EHMT1: variants seen among roughly 807,000 people sequenced by gnomAD.
EHMT1 encodes the protein euchromatic histone lysine methyltransferase 1.
A neutral mutation model predicts 147.2 loss-of-function variants in EHMT1; 15 were observed. The ratio of observed to expected loss-of-function variants is 0.10; its 90% CI spans 0.07 to 0.16. The LOEUF (loss-of-function observed/expected upper bound fraction) is 0.16, where lower values mean the gene tolerates loss of function less well. EHMT1 is among the 10% of genes least tolerant of loss of function. The probability of loss-of-function intolerance (pLI) is 1.00; values close to 1 mark genes in which losing one functional copy is unlikely to be tolerated. For missense variants in EHMT1, 1,587 were observed against 1,772.4 expected, an observed-to-expected ratio of 0.90 and a Z score of 1.88; for synonymous variants, 795 against 709.6, an observed-to-expected ratio of 1.12 and a Z score of -1.91.
chr9:137,733,295 T>C (rs746263681), intron 4 of EHMT1, among the ~76,000 whole-genome samples: 13 of 152,248 alleles, frequency 8.5e-5, no homozygotes, highest in Non-Finnish European at 1.8e-4. Context: ...GCATCTTTGT[T>C]AGCAGCTTGT....
chr9:137,822,316 C>G (rs1302153748), intron 25 of EHMT1, among the ~76,000 whole-genome samples: 2 of 152,226 alleles, frequency 1.3e-5, no homozygotes, highest in African/African-American at 4.8e-5. Context: ...GTTCTGCCAT[C>G]ACGAGGAAAC....
At chr9:137,802,800 CTG>C (rs1953612115) in intron 18 of EHMT1, 1 of 1,231,542 alleles carries the variant, frequency 8.1e-7, no homozygotes, top group Non-Finnish European at 1.0e-6. Flanking sequence ...GCTTCCATGA[CTG>C]TATCCAGGGG....
At chr9:137,683,811 A>G (rs1942187264) in intron 1 of EHMT1, among the ~76,000 whole-genome samples, 1 of 152,146 alleles carries the variant, frequency 6.6e-6, no homozygotes, top group Non-Finnish European at 1.5e-5. Context: ...TTATACAATG[A>G]CACGAGTTTA....
chr9:137,720,719 C>T (rs1945863008), intron 3 of EHMT1, among the ~76,000 whole-genome samples: 1 of 152,220 alleles, frequency 6.6e-6, no homozygotes, highest in Non-Finnish European at 1.5e-5. Flanking sequence ...CCGTCCCGTT[C>T]TCTGCTGAGG....
Position 137,817,484 on chromosome 9 carries a change from G to A in EHMT1, c.3420G>A (p.Val1140=). The A allele has an allele frequency of 3.7e-6, 6 of 1,614,180 alleles. No individual in the cohort carries two copies. Among genetic ancestry groups the A allele is most frequent in the South Asian group, 1.1e-5 (1 of 91,082 alleles). Residue 1140 remains valine (V), a synonymous_variant, in exon 24 of 27, where the codon GTG becomes GTA. Coordinates refer to ENST00000460843, the MANE Select transcript of EHMT1 (RefSeq NM_024757.5). Reference sequence around the variant, plus strand: ...GGACGCGGGACATGGGCTGGGGCGTGCGGTCCCTGCAGGACATCCCACCAG... The same window carrying A: ...GGACGCGGGACATGGGCTGGGGCGTACGGTCCCTGCAGGACATCCCACCAG... ...LYRTRDMGWG[V]RSLQDIPPGT... is the part of the protein sequence containing the mutation.
At chr9:137,822,542 G>A (rs1185775520) in intron 25 of EHMT1, among the ~76,000 whole-genome samples, 1 of 152,136 alleles carries the variant, frequency 6.6e-6, no homozygotes, top group African/African-American at 2.4e-5. Flanking sequence ...TTGATGAAGA[G>A]CCTCTTTTCA....
At chr9:137,629,857 T>C (rs1383573771) in intron 1 of EHMT1, among the ~76,000 whole-genome samples, 1 of 152,168 alleles carries the variant, frequency 6.6e-6, no homozygotes, top group African/African-American at 2.4e-5. Context: ...CCCAGTTAAT[T>C]TGGCCTATGG....
chr9:137,640,055 C>T (rs1844373976), intron 1 of EHMT1, among the ~76,000 whole-genome samples: 1 of 152,110 alleles, frequency 6.6e-6, no homozygotes, highest in South Asian at 2.1e-4. Flanking sequence ...CTGCCTCTGC[C>T]TCCCGAGTAG....
intron 1 of EHMT1, among the ~76,000 whole-genome samples, chr9:137,709,287 G>C (rs1944495043): frequency 1.3e-5 from 2 of 152,190 alleles, no homozygotes; most frequent in Admixed American, 6.5e-5. Flanking sequence ...CAGCTGTGAT[G>C]GACCAGGAAA....
At chr9:137,825,401 G>GAATC (rs1159911609) in intron 25 of EHMT1, among the ~76,000 whole-genome samples, 7 of 152,190 alleles carry the variant, frequency 4.6e-5, no homozygotes, top group Non-Finnish European at 5.9e-5. Context: ...CATGTAAGTG[G>GAATC]AATCACATGC....
intron 23 of EHMT1, 62 bp downstream of exon 23, chr9:137,816,124 A>G: frequency 6.9e-7 from 1 of 1,452,556 alleles, no homozygotes; most frequent in Non-Finnish European, 9.5e-7. Flanking sequence ...ATTAGCACGG[A>G]GGTCACCCCG....
At chr9:137,704,114 G>A (rs949564289) in intron 1 of EHMT1, among the ~76,000 whole-genome samples, 1 of 152,130 alleles carries the variant, frequency 6.6e-6, no homozygotes, top group Admixed American at 6.6e-5. Context: ...GATATATCAC[G>A]AAAACAGCAA....
chr9:137,740,895 C>T (rs112906928), intron 4 of EHMT1, among the ~76,000 whole-genome samples: 487 of 152,010 alleles, frequency 3.2e-3, no homozygotes, highest in African/African-American at 0.011. Context: ...CTCTGCCTCC[C>T]GGGTTCAAGT....
chr9:137,647,885 C>G (rs1437490679), intron 1 of EHMT1, among the ~76,000 whole-genome samples: 1 of 152,188 alleles, frequency 6.6e-6, no homozygotes, highest in Non-Finnish European at 1.5e-5. Context: ...ACGTGAGCCA[C>G]CGCGCCCGGC....
chr9:137,775,712 C>T lies in EHMT1; in HGVS notation c.1791+460C>T, dbSNP rs1950905532. 6.6e-6 allele frequency among the ~76,000 whole-genome samples: 1 copy of T among 152,030 alleles called. No homozygotes were observed. Among genetic ancestry groups the T allele is most frequent in the South Asian group, 2.1e-4 (1 of 4,822 alleles). On this transcript the variant is annotated intron_variant, in intron 11 of 26. Transcript: ENST00000460843. This position sits in a 1 kb window ranked among gnomAD's most constrained non-coding sequence, Gnocchi z 6.1. ...TGATAAGGGTGTCCAGAGCACACAG[C>T]TCCTGGGAGAGGTGGCAGCACCTTG...
chr9:137,682,452 C>G (rs1942043708), intron 1 of EHMT1, among the ~76,000 whole-genome samples: 1 of 152,050 alleles, frequency 6.6e-6, no homozygotes, highest in African/African-American at 2.4e-5. Context: ...GAACTTTTAT[C>G]TTTCTCAAAT....
At chr9:137,741,102 G>A (rs1158494050) in intron 4 of EHMT1, among the ~76,000 whole-genome samples, 1 of 151,690 alleles carries the variant, frequency 6.6e-6, no homozygotes, top group Non-Finnish European at 1.5e-5. Context: ...TCAGCCTCCC[G>A]AGTAGCTGGG....
intron 1 of EHMT1, among the ~76,000 whole-genome samples, chr9:137,688,846 G>C (rs569641808): frequency 6.6e-6 from 1 of 152,330 alleles, no homozygotes; most frequent in East Asian, 1.9e-4. Flanking sequence ...CATCCACCGA[G>C]TCTGCCCTGA....
rs1951607433 is a variant in EHMT1 at position 137,782,132 on chromosome 9, G to T, written c.2276-159G>T. 1.3e-5 allele frequency among the ~76,000 whole-genome samples: 2 copies of T among 152,246 alleles called. No homozygotes were observed. Among genetic ancestry groups the T allele is most frequent in the African/African-American group, 4.8e-5 (2 of 41,472 alleles). ...GGAGACTAGCACACTCAAGTCTCAA[G>T]TCCAGAGGATGGTGCTGTGGGCGGG... On this transcript the variant is annotated intron_variant, in intron 14 of 26. Coordinates refer to ENST00000460843, the MANE Select transcript of EHMT1 (RefSeq NM_024757.5). This position sits in a 1 kb window ranked among gnomAD's most constrained non-coding sequence, Gnocchi z 5.7.
Sources: allele counts gnomAD v4.1 joint callset (sites outside exome capture counted in the v4.1 genomes callset), GRCh38; gene constraint gnomAD v4.1.1; non-coding constraint Gnocchi (gnomAD v3.1); transcripts MANE v1.5; gene names NCBI Gene and HGNC (gene_info 2026-07-23, HGNC 2026-07-21).